The following ENPP2 variants were observed in gnomAD, a reference collection of about 807,000 sequenced individuals.
ENPP2 encodes autotaxin.
Under a neutral mutation model 120.2 loss-of-function variants are expected in ENPP2, and 51 were observed. The ratio of observed to expected loss-of-function variants is 0.42; its 90% CI spans 0.34 to 0.54. The LOEUF is 0.54. Among genes scored for constraint, ENPP2 ranks in the 20% least tolerant of loss-of-function variants. The pLI is 0.04. For missense variants in ENPP2, 920 were observed against 1,066.5 expected, an observed-to-expected ratio of 0.86 and a Z score of 1.91; for synonymous variants, 365 against 366.4, an observed-to-expected ratio of 1.00 and a Z score of 0.04.
At chr8:119,645,730 G>A (rs1041060127) in intron 1 of ENPP2, among the ~76,000 whole-genome samples, 4 of 150,856 alleles carry the variant, frequency 2.7e-5, no homozygotes, top group South Asian at 4.2e-4. Flanking sequence ...CAGGAGAATC[G>A]CTTGAACCCG....
chr8:119,621,617 C>G, intron 3 of ENPP2, 98 bp from the exon 4 acceptor site: 1 of 1,316,228 alleles, frequency 7.6e-7, no homozygotes, highest in South Asian at 1.3e-5. Context: ...AAGCTAAAAT[C>G]TCACATCATT....
At chr8:119,668,554 G>A (rs372094039) in intron 1 of ENPP2, among the ~76,000 whole-genome samples, 25 of 149,930 alleles carry the variant, frequency 1.7e-4, no homozygotes, top group African/African-American at 5.2e-4. Flanking sequence ...TCAGCCTCCC[G>A]AGTACCTGGG....
At chr8:119,633,980 C>T (rs762255203) in intron 2 of ENPP2, among the ~76,000 whole-genome samples, 4 of 151,864 alleles carry the variant, frequency 2.6e-5, no homozygotes, top group Non-Finnish European at 4.4e-5. Flanking sequence ...GTCAGGAGTT[C>T]GAGAGCAGCC....
chr8:119,614,062 CTT>C (rs1241610980), intron 8 of ENPP2, among the ~76,000 whole-genome samples: 6 of 115,862 alleles, frequency 5.2e-5, no homozygotes, highest in Admixed American at 9.0e-5. Flanking sequence ...CCTGGGAAAT[CTT>C]TTTTTTTTTT....
intron 1 of ENPP2, among the ~76,000 whole-genome samples, chr8:119,665,522 A>G (rs981504784): frequency 6.6e-6 from 1 of 152,204 alleles, no homozygotes; most frequent in Non-Finnish European, 1.5e-5. Flanking sequence ...CTTATGAATG[A>G]AATTATGTCT....
intron 1 of ENPP2, among the ~76,000 whole-genome samples, chr8:119,655,519 C>A (rs189493782): frequency 3.6e-4 from 55 of 152,344 alleles, no homozygotes; most frequent in Non-Finnish European, 5.7e-4. Flanking sequence ...GGAACCCTCT[C>A]TGGACCTTCA....
chr8:119,605,467 T>TGTG (rs1209460755), intron 9 of ENPP2, among the ~76,000 whole-genome samples: 2 of 142,358 alleles, frequency 1.4e-5, no homozygotes, highest in Non-Finnish European at 3.0e-5. Context: ...TGTGTGTGTA[T>TGTG]TTTTTTTTTT....
At chr8:119,567,802 A>G (rs552512061) in intron 22 of ENPP2, among the ~76,000 whole-genome samples, 12 of 152,370 alleles carry the variant, frequency 7.9e-5, no homozygotes, top group Non-Finnish European at 1.2e-4. Flanking sequence ...CTTTTTAACC[A>G]TTAAGATAAT....
At chr8:119,568,511 C>T (rs184128353) in intron 21 of ENPP2, among the ~76,000 whole-genome samples, 1 of 152,128 alleles carries the variant, frequency 6.6e-6, no homozygotes, top group East Asian at 1.9e-4. Flanking sequence ...CTTGAGTCTA[C>T]CAACATTATG....
chr8:119,647,409 C>A (rs1249686384), intron 1 of ENPP2, among the ~76,000 whole-genome samples: 10 of 152,118 alleles, frequency 6.6e-5, no homozygotes, highest in Non-Finnish European at 2.9e-5. Context: ...AATAGGAACA[C>A]AATAAATATT....
intron 1 of ENPP2, among the ~76,000 whole-genome samples, chr8:119,653,316 C>T (rs1817677640): frequency 6.6e-6 from 1 of 152,182 alleles, no homozygotes. Context: ...GCCTCTGCCC[C>T]AGCAATCCCA....
intron 10 of ENPP2, 84 bp downstream of exon 10, chr8:119,601,313 T>C (rs1814290069): frequency 1.1e-6 from 1 of 935,250 alleles, no homozygotes; most frequent in African/African-American, 1.6e-5. Context: ...TTGGCTGTGC[T>C]TCTATTCCAC....
chr8:119,565,661 A>C (rs1225259141), intron 22 of ENPP2, among the ~76,000 whole-genome samples: 6 of 151,998 alleles, frequency 3.9e-5, no homozygotes, highest in Non-Finnish European at 8.8e-5. Flanking sequence ...AGTACATCCC[A>C]ATTATCCCAA....
rs768211674 is a variant in ENPP2, at chr8:119,584,025, T to C, written c.1392A>G (p.Lys464=). 8.1e-6 allele frequency: 13 copies of C among 1,612,638 alleles called. No individual in the cohort carries two copies. The Admixed American group carries it at 8.3e-5, about 10-fold the overall frequency. Residue 464 remains lysine, a synonymous_variant, in exon 16 of 25, where the codon AAA becomes AAG. Transcript: ENST00000075322. The part of the protein sequence containing the change: ...VARKPLDVYK[K]PSGKCFFQGD... ...CCTGGAAAAAGCATTTTCCTGATGG[T>C]TTCTTATAAACATCCAAAGGTTTCC...
At chr8:119,667,543 G>A (rs773996256) in intron 1 of ENPP2, among the ~76,000 whole-genome samples, 35 of 152,058 alleles carry the variant, frequency 2.3e-4, no homozygotes, top group African/African-American at 4.6e-4. Context: ...TTAAATATCC[G>A]TACCCATCTT....
At chr8:119,600,789 C>A in intron 10 of ENPP2, 39 bp from the exon 11 acceptor site, 3 of 1,117,100 alleles carry the variant, frequency 2.7e-6, no homozygotes, top group Non-Finnish European at 4.0e-6. Context: ...TCTCCTAAAC[C>A]ACATGTAACA....
intron 1 of ENPP2, among the ~76,000 whole-genome samples, chr8:119,671,793 CAG>C (rs1022277594): frequency 6.6e-6 from 1 of 152,078 alleles, no homozygotes; most frequent in African/African-American, 2.4e-5. Flanking sequence ...TGAGATTATC[CAG>C]AGAGACTGCA....
chr8:119,634,436 C>T (rs530218068), intron 2 of ENPP2, among the ~76,000 whole-genome samples: 1 of 151,764 alleles, frequency 6.6e-6, no homozygotes, highest in Non-Finnish European at 1.5e-5. Flanking sequence ...GTATTGTTAA[C>T]TCAATAAGGT....
rs1423397335 is a variant in ENPP2, at chr8:119,638,756, A to G, written c.25T>C (p.Ser9Pro). 6.3e-7 allele frequency: 1 copy of G among 1,596,874 alleles called. No homozygotes were observed. The highest frequency in any genetic ancestry group is 1.7e-5 in the Admixed American group (1 of 60,004). Residue 9 changes from serine to proline, a missense_variant, in exon 1 of 25, where the codon TCG becomes CCG. Ser to Pro is a moderately conservative substitution (Grantham distance 74). Transcript: ENST00000075322. The stretch of plus-strand genomic sequence containing the variant: ...TTCCTCCGTTCTCCCACCTGACACG[A>G]CTGGAACGAGCTCCTCCTTGCCATG... MARRSSFQ[S>P]CQIISLFTFA...
Sources: gnomAD v4.1 joint callset for allele counts (sites outside exome capture counted in the v4.1 genomes callset) on GRCh38, gnomAD v4.1.1 for gene constraint, MANE v1.5 for transcripts, NCBI Gene and HGNC (gene_info 2026-07-23, HGNC 2026-07-21) for gene names.